The following PLB1 variants were observed in gnomAD, a reference collection of about 807,000 sequenced individuals.
PLB1 encodes phospholipase B1, membrane-associated.
In PLB1, 242 loss-of-function variants were observed where a neutral mutation model predicts 227.4. The observed-to-expected ratio is 1.06, with a 90% confidence interval of 0.96 to 1.18. The LOEUF is 1.18. Ranked by LOEUF, PLB1 falls within the 50% of genes most tolerant of loss-of-function variation. The pLI, the probability that PLB1 is intolerant of heterozygous loss-of-function variation, is 0.00. For missense variants in PLB1, 1,858 were observed against 1,816.3 expected (o/e 1.02, Z -0.42); for synonymous variants, 757 against 682.2 (o/e 1.11, Z -1.71).
At chr2:28,575,904 A>G (rs892328126) in intron 21 of PLB1, among the ~76,000 whole-genome samples, 1 of 152,070 alleles carries the variant, frequency 6.6e-6, no homozygotes, top group Non-Finnish European at 1.5e-5. Context: ...TTTGATGGGG[A>G]TAGGATTAAA....
chr2:28,607,094 C>CGGCAGCTCCA (rs1443967629), intron 43 of PLB1, among the ~76,000 whole-genome samples: 1 of 152,114 alleles, frequency 6.6e-6, no homozygotes, highest in African/African-American at 2.4e-5. Context: ...TACCAGGACA[C>CGGCAGCTCCA]GGCAGCTCCA....
At chr2:28,548,756 TTC>T (rs1443775863) in intron 14 of PLB1, 102 bp from the exon 15 acceptor site, 54 of 1,074,484 alleles carry the variant, frequency 5.0e-5, no homozygotes, top group Non-Finnish European at 7.4e-5. Context: ...TTCTAATGCG[TTC>T]CCTGGTACTG....
At chr2:28,604,630 G>A in intron 40 of PLB1, 25 bp from the exon 41 acceptor site, 3 of 1,607,750 alleles carry the variant, frequency 1.9e-6, no homozygotes, top group Non-Finnish European at 1.7e-6. Context: ...GGCCTGGGCT[G>A]AAGACCCTGT....
chr2:28,611,314 C>T (rs961016217), intron 43 of PLB1, among the ~76,000 whole-genome samples: 20 of 152,178 alleles, frequency 1.3e-4, no homozygotes, highest in African/African-American at 3.4e-4. Flanking sequence ...CAGTTGCACT[C>T]GCAGCACTTC....
chr2:28,606,425 T>A, intron 42 of PLB1, 71 bp from the exon 43 acceptor site: 1 of 1,461,206 alleles, frequency 6.8e-7, no homozygotes, highest in Non-Finnish European at 9.6e-7. Flanking sequence ...ACTGCAGGAT[T>A]CTGCCAGGGA....
At chr2:28,639,820 G>T (rs565648980) in intron 56 of PLB1, among the ~76,000 whole-genome samples, 4 of 152,258 alleles carry the variant, frequency 2.6e-5, no homozygotes, top group Non-Finnish European at 5.9e-5. Flanking sequence ...CCAATCACAC[G>T]TGCTTTCATG....
chr2:28,586,024 C>T (rs767194784), intron 26 of PLB1, among the ~76,000 whole-genome samples, 182 bp downstream of exon 26: 1 of 152,174 alleles, frequency 6.6e-6, no homozygotes, highest in Non-Finnish European at 1.5e-5. Context: ...GTATGAATTG[C>T]ACCACAGAAC....
In PLB1 at chr2:28,628,548, C is replaced by T. The variant is rs375349557; in HGVS notation, c.3661-15C>T. The T allele has an allele frequency of 4.3e-6, 7 of 1,613,476 alleles. No individual in the cohort carries two copies. In the African/African-American group the frequency reaches 6.7e-5, roughly 15 times the overall value. On this transcript the variant is annotated splice_polypyrimidine_tract_variant and intron_variant, in intron 51 of 57. Transcript: ENST00000327757. The stretch of plus-strand genomic sequence containing the variant: ...GGCACCAGGGGCTAAAGAGAGTACC[C>T]TTTTTTCCTTACAGGAGGCCCACTT...
chr2:28,575,753 G>A (rs552441617), intron 21 of PLB1, among the ~76,000 whole-genome samples: 10 of 152,186 alleles, frequency 6.6e-5, no homozygotes, highest in South Asian at 2.1e-4. Context: ...GCGTTTCACC[G>A]TGTTAGCCAG....
intron 16 of PLB1, among the ~76,000 whole-genome samples, chr2:28,550,612 C>T (rs1334641566): frequency 6.7e-6 from 1 of 150,206 alleles, no homozygotes; most frequent in African/African-American, 2.5e-5. Flanking sequence ...GTGATCTCAG[C>T]TCACTGTAAC....
chr2:28,641,972 A>C (rs1408649917), intron 57 of PLB1, among the ~76,000 whole-genome samples: 1 of 151,914 alleles, frequency 6.6e-6, no homozygotes, highest in Non-Finnish European at 1.5e-5. Context: ...CGGTGGATCC[A>C]TCTCCCAGGA....
intron 26 of PLB1, among the ~76,000 whole-genome samples, chr2:28,587,015 C>G (rs1421888183): frequency 6.6e-6 from 1 of 152,178 alleles, no homozygotes; most frequent in Non-Finnish European, 1.5e-5. Flanking sequence ...TTCCAAAGTG[C>G]TGGGATTGCA....
intron 35 of PLB1, among the ~76,000 whole-genome samples, chr2:28,599,038 A>T (rs1420349973): frequency 6.6e-6 from 1 of 152,214 alleles, no homozygotes; most frequent in Non-Finnish European, 1.5e-5. Flanking sequence ...ACCTTATCCA[A>T]TGTTTACAAC....
intron 33 of PLB1, among the ~76,000 whole-genome samples, chr2:28,596,595 T>A (rs140789497): frequency 6.6e-6 from 1 of 152,348 alleles, no homozygotes; most frequent in East Asian, 1.9e-4. Flanking sequence ...TATACTTCTT[T>A]TCAAATGTAA....
Position 28,579,526 on chromosome 2 carries a change from G to C in PLB1, c.1486-101G>C, listed in dbSNP as rs536248559. 1.4e-5 allele frequency: 12 copies of C among 858,964 alleles called. No individual in the cohort carries two copies. The Admixed American group carries it at 2.0e-4, about 14-fold the overall frequency. The allele number at this position is 858,964 out of a possible 1,614,324, so 53.2% of individuals were successfully genotyped here. ...AATTCAGAAGTCCATGAGACACTCT[G>C]GTGTGTGAGGACCCATCTTTTCTAG... is the stretch of plus-strand genomic sequence containing the variant. On this transcript the variant is annotated intron_variant, in intron 22 of 57. Transcript: ENST00000327757.
At chr2:28,535,136 A>G (rs1424917519) in intron 9 of PLB1, among the ~76,000 whole-genome samples, 1 of 152,228 alleles carries the variant, frequency 6.6e-6, no homozygotes, top group African/African-American at 2.4e-5. Flanking sequence ...GAGTTTATTC[A>G]CACTTAGAAG....
chr2:28,597,774 C>T (rs1534477), intron 33 of PLB1, among the ~76,000 whole-genome samples: 87,456 of 151,978 alleles, frequency 0.58, 25,637 homozygotes, highest in East Asian at 0.89. Flanking sequence ...CCCTCCTGAT[C>T]TGGTAAAGAA....
rs767792209 is a variant in PLB1 at position 28,529,793 on chromosome 2, C to A, written c.468+14C>A. On this transcript the variant is annotated intron_variant, in intron 8 of 57. Coordinates refer to ENST00000327757, the MANE Select transcript of PLB1 (RefSeq NM_153021.5). ...AAAGAGAACCTGGTAAGCATCCGTC[C>A]AACTCTGGCATGGCTGGGCTGCCTG... 6.2e-7 allele frequency: 1 copy of A among 1,613,676 alleles called. No individual in the cohort carries two copies. The highest frequency in any genetic ancestry group is 8.5e-7 in the Non-Finnish European group (1 of 1,179,630).
intron 34 of PLB1, among the ~76,000 whole-genome samples, 178 bp downstream of exon 34, chr2:28,598,226 A>C (rs1683287990): frequency 6.6e-6 from 1 of 152,232 alleles, no homozygotes; most frequent in Non-Finnish European, 1.5e-5. Context: ...CACCAGATTT[A>C]GAGCCTGAAG....
Sources: gnomAD v4.1 joint callset for allele counts (sites outside exome capture counted in the v4.1 genomes callset) on GRCh38, gnomAD v4.1.1 for gene constraint, MANE v1.5 for transcripts, NCBI Gene and HGNC (gene_info 2026-07-23, HGNC 2026-07-21) for gene names.